CAMTA1: variants seen among roughly 807,000 people sequenced by gnomAD.
CAMTA1 encodes the protein calmodulin-binding transcription activator 1.
A neutral mutation model predicts 170.9 loss-of-function variants in CAMTA1; 27 were observed. That is an observed-to-expected ratio of 0.16 (90% CI 0.12 to 0.22). The LOEUF (loss-of-function observed/expected upper bound fraction) is 0.22. Among genes scored for constraint, CAMTA1 ranks in the 10% least tolerant of loss-of-function variants. The pLI, the probability that CAMTA1 is intolerant of heterozygous loss-of-function variation, is 1.00. For missense variants in CAMTA1, 1,619 were observed against 2,217.2 expected, an observed-to-expected ratio of 0.73 and a Z score of 5.42; for synonymous variants, 833 against 891.5, an observed-to-expected ratio of 0.93 and a Z score of 1.17.
At chr1:7,618,520 G>A (rs187150733) in intron 6 of CAMTA1, among the ~76,000 whole-genome samples, 8 of 152,276 alleles carry the variant, frequency 5.3e-5, no homozygotes, top group East Asian at 1.9e-4. Flanking sequence ...ACTGTTTATC[G>A]TCTCCCTCGT....
At chr1:7,134,142 C>T (rs1645414757) in intron 4 of CAMTA1, among the ~76,000 whole-genome samples, 1 of 152,192 alleles carries the variant, frequency 6.6e-6, no homozygotes, top group African/African-American at 2.4e-5. Context: ...TAAGTAAGAT[C>T]ATATGGGATT....
At chr1:7,011,517 C>T (rs1699790332) in intron 3 of CAMTA1, among the ~76,000 whole-genome samples, 1 of 152,104 alleles carries the variant, frequency 6.6e-6, no homozygotes, top group African/African-American at 2.4e-5. Context: ...GACCTTCCCC[C>T]CATGCCATGA....
chr1:7,217,219 C>G (rs1199055998), intron 4 of CAMTA1, among the ~76,000 whole-genome samples: 1 of 152,172 alleles, frequency 6.6e-6, no homozygotes, highest in African/African-American at 2.4e-5. Context: ...GGCTTCTCCC[C>G]CTTTGCTCGG....
chr1:7,487,290 G>A (rs1307582862), intron 6 of CAMTA1, among the ~76,000 whole-genome samples: 2 of 152,090 alleles, frequency 1.3e-5, no homozygotes, highest in African/African-American at 4.8e-5. Context: ...CAGCACTTTG[G>A]GGTAAGAAAC....
intron 6 of CAMTA1, among the ~76,000 whole-genome samples, chr1:7,628,789 C>T (rs1331017539): frequency 2.1e-4 from 32 of 152,270 alleles, no homozygotes; most frequent in Admixed American, 2.0e-3. Context: ...GCAGGCCTGG[C>T]TTCCAGCCAT....
At chr1:7,509,591 C>T (rs2149871280) in intron 6 of CAMTA1, among the ~76,000 whole-genome samples, 1 of 152,284 alleles carries the variant, frequency 6.6e-6, no homozygotes, top group Non-Finnish European at 1.5e-5. Context: ...TGGGAGCACC[C>T]AGTAGTGCTG....
intron 5 of CAMTA1, among the ~76,000 whole-genome samples, chr1:7,371,267 G>C (rs1401519765): frequency 1.1e-5 from 1 of 92,418 alleles, no homozygotes; most frequent in Non-Finnish European, 2.4e-5. Context: ...TTGTTTGTTT[G>C]TTTGTTTCGA....
chr1:7,142,152 C>T (rs770686264), intron 4 of CAMTA1: 2 of 518,594 alleles, frequency 3.9e-6, no homozygotes, highest in South Asian at 2.8e-5. Context: ...CTTGGAGAGC[C>T]CTGCTCTACT....
chr1:7,406,640 GCA>G (rs958980140), intron 5 of CAMTA1, among the ~76,000 whole-genome samples: 5 of 151,444 alleles, frequency 3.3e-5, no homozygotes, highest in South Asian at 2.1e-4. Context: ...ACACACACGA[GCA>G]CACACACGCA....
At chr1:7,375,185 G>T (rs1354438912) in intron 5 of CAMTA1, among the ~76,000 whole-genome samples, 1 of 152,180 alleles carries the variant, frequency 6.6e-6, no homozygotes, top group Non-Finnish European at 1.5e-5. Context: ...GAGGATGAAT[G>T]AATCTGTGGC....
chr1:7,316,608 G>C (rs530131614), intron 5 of CAMTA1, among the ~76,000 whole-genome samples: 55 of 152,306 alleles, frequency 3.6e-4, no homozygotes, highest in African/African-American at 1.3e-3. Context: ...TAACAATTCT[G>C]TTCGTTCATT....
intron 6 of CAMTA1, among the ~76,000 whole-genome samples, chr1:7,513,183 G>A (rs2094226992): frequency 6.6e-6 from 1 of 152,154 alleles, no homozygotes; most frequent in Non-Finnish European, 1.5e-5. Flanking sequence ...GCTGTGGGGT[G>A]GGGAGAAGCG....
chr1:7,062,247 T>C (rs937870531), intron 3 of CAMTA1, among the ~76,000 whole-genome samples: 1 of 152,162 alleles, frequency 6.6e-6, no homozygotes, highest in Non-Finnish European at 1.5e-5. Context: ...GTATATATAT[T>C]GATTTATATT....
rs1708876057 is a variant in CAMTA1, at chr1:7,065,739, T to C, written c.235-25565T>C. Among the ~76,000 whole-genome samples, 1 of 152,186 alleles carries C rather than the reference T, an allele frequency of 6.6e-6. No homozygotes were observed. The highest frequency in any genetic ancestry group is 6.5e-5 in the Admixed American group (1 of 15,272). ...TAGGTGGAAGCCCTAGGTCAAAATA[T>C]CTGACTGCAGAAAAGACCAGTCAGG... is the stretch of plus-strand genomic sequence containing the variant. On this transcript the variant is annotated intron_variant, in intron 3 of 22. Coordinates refer to ENST00000303635, the MANE Select transcript of CAMTA1 (RefSeq NM_015215.4). The surrounding 1 kb of genome is among the most constrained non-coding windows in gnomAD (Gnocchi z 5.2).
chr1:7,453,297 TG>T (rs745417854), intron 5 of CAMTA1, among the ~76,000 whole-genome samples: 34 of 152,316 alleles, frequency 2.2e-4, no homozygotes, highest in Admixed American at 3.9e-4. Context: ...ACTGTGGCTT[TG>T]GGCAGGTCCC....
chr1:7,655,207 C>A (rs921805706), intron 7 of CAMTA1, among the ~76,000 whole-genome samples: 14 of 130,284 alleles, frequency 1.1e-4, no homozygotes, highest in Non-Finnish European at 2.1e-4. Context: ...CCTATACACA[C>A]AAACACACCC....
In CAMTA1 at chr1:7,416,505, T is replaced by C. The variant is rs569327061; in HGVS notation, c.439-51325T>C. 2.6e-5 allele frequency among the ~76,000 whole-genome samples: 4 copies of C among 152,358 alleles called. No individual in the cohort carries two copies. In the East Asian group the frequency reaches 7.7e-4, roughly 29 times the overall value. Reference sequence around the variant, plus strand: ...AACTTCTCTTCTCGCTTCATTTCATTCATTTGATCTTCCATCACTGATACC... The same window carrying C: ...AACTTCTCTTCTCGCTTCATTTCATCCATTTGATCTTCCATCACTGATACC... On this transcript the variant is annotated intron_variant, in intron 5 of 22. Coordinates refer to ENST00000303635, the MANE Select transcript of CAMTA1 (RefSeq NM_015215.4).
intron 3 of CAMTA1, among the ~76,000 whole-genome samples, chr1:7,042,991 C>T (rs993195031): frequency 2.6e-5 from 4 of 152,006 alleles, no homozygotes; most frequent in African/African-American, 9.7e-5. Flanking sequence ...ATCAACCAAA[C>T]CACCCCCCAA....
Position 6,912,465 on chromosome 1 carries a change from A to G in CAMTA1, c.234+87255A>G, listed in dbSNP as rs139650408. ...CTGTCAGTCTCCTGGGGACCACTCTATCCTCTGGATTTTAGTCTGTCTTTA... is the reference window on the plus strand; with the variant it reads ...CTGTCAGTCTCCTGGGGACCACTCTGTCCTCTGGATTTTAGTCTGTCTTTA... On this transcript the variant is annotated intron_variant, in intron 3 of 22. Transcript: ENST00000303635. Among the ~76,000 whole-genome samples, 34 of 152,322 alleles carry G rather than the reference A, an allele frequency of 2.2e-4. 1 individual carries two copies. Among genetic ancestry groups the G allele is most frequent in the Middle Eastern group, 3.4e-3 (1 of 294 alleles).
Sources: allele counts gnomAD v4.1 joint callset (sites outside exome capture counted in the v4.1 genomes callset), GRCh38; gene constraint gnomAD v4.1.1; non-coding constraint Gnocchi (gnomAD v3.1); transcripts MANE v1.5; gene names NCBI Gene and HGNC (gene_info 2026-07-23, HGNC 2026-07-21).